The following TSHZ3 variants were observed in gnomAD, a reference collection of about 807,000 sequenced individuals.
TSHZ3 encodes the protein teashirt homolog 3.
A neutral mutation model predicts 64.5 loss-of-function variants in TSHZ3; 10 were observed. That is an observed-to-expected ratio of 0.16 (90% CI 0.10 to 0.26). TSHZ3 has a LOEUF of 0.26. Among genes scored for constraint, TSHZ3 ranks in the 10% least tolerant of loss-of-function variants. The pLI is 1.00. For missense variants in TSHZ3, 1,242 were observed against 1,421.7 expected, an observed-to-expected ratio of 0.87 and a Z score of 2.03; for synonymous variants, 608 against 593.1, an observed-to-expected ratio of 1.03 and a Z score of -0.36.
At chr19:31,202,666 G>T (rs925110060) in intron 5 of TSHZ3, among the ~76,000 whole-genome samples, 4 of 152,060 alleles carry the variant, frequency 2.6e-5, no homozygotes, top group East Asian at 1.9e-4. Context: ...TTTTCCAAGG[G>T]TAAACTCTTT....
intron 5 of TSHZ3, among the ~76,000 whole-genome samples, chr19:31,199,585 C>T (rs1975046277): frequency 1.3e-5 from 2 of 149,626 alleles, no homozygotes; most frequent in Admixed American, 1.3e-4. Context: ...TACATTCTTC[C>T]CCCAAATGAA....
intron 3 of TSHZ3, among the ~76,000 whole-genome samples, chr19:31,239,120 C>T (rs1428740721): frequency 6.6e-6 from 1 of 152,134 alleles, no homozygotes; most frequent in Admixed American, 6.5e-5. Flanking sequence ...ACATTTCACA[C>T]TTCCCTTCTG....
downstream of TSHZ3, among the ~76,000 whole-genome samples, chr19:31,273,664 C>G (rs368532195): frequency 1.3e-5 from 2 of 152,156 alleles, no homozygotes; most frequent in Admixed American, 6.5e-5. Flanking sequence ...TGTGAAGATG[C>G]GGAAGGCACG....
At chr19:31,252,840 G>A (rs985377067) in intron 1 of TSHZ3, among the ~76,000 whole-genome samples, 2 of 152,122 alleles carry the variant, frequency 1.3e-5, no homozygotes, top group African/African-American at 4.8e-5. Context: ...ACATTTACAG[G>A]TTCCAGGGAT....
chr19:31,184,023 C>T (rs746538773), intron 5 of TSHZ3, among the ~76,000 whole-genome samples: 5 of 152,032 alleles, frequency 3.3e-5, no homozygotes, highest in African/African-American at 4.8e-5. Context: ...TCTTTAATTA[C>T]GCCTTCAGAA....
intron 1 of TSHZ3, among the ~76,000 whole-genome samples, chr19:31,282,766 C>T (rs574635323): frequency 1.3e-5 from 2 of 152,256 alleles, no homozygotes; most frequent in African/African-American, 4.8e-5. Context: ...AACCTCTCAA[C>T]CTCCCTGGTG....
intron 1 of TSHZ3, among the ~76,000 whole-genome samples, chr19:31,335,623 G>A (rs531968235): frequency 7.2e-5 from 11 of 152,278 alleles, no homozygotes; most frequent in East Asian, 3.9e-4. Context: ...AGGAGATTCC[G>A]GCTCAAGAAC....
intron 1 of TSHZ3, among the ~76,000 whole-genome samples, chr19:31,280,181 C>G (rs1976337007): frequency 6.6e-6 from 1 of 152,082 alleles, no homozygotes; most frequent in South Asian, 2.1e-4. Flanking sequence ...TCTTAACAGA[C>G]AGATTCACAA....
Position 31,279,326 on chromosome 19 carries a change from C to A in TSHZ3, c.467G>T (p.Ser156Ile). Residue 156 changes from serine to isoleucine, a missense_variant, in exon 2 of 2, where the codon AGC becomes ATC. By Grantham distance (142) the Ser-to-Ile change is moderately radical. This residue lies in a region of TSHZ3 where 555 missense variants were observed against 704.0 expected (regional missense o/e 0.79). Coordinates refer to ENST00000240587, the MANE Select transcript of TSHZ3 (RefSeq NM_020856.4). This position sits in a 1 kb window ranked among gnomAD's most constrained non-coding sequence, Gnocchi z 6.4. Reference protein sequence around the residue: ...NNGSSSSSSSSSSSCGSGSFD... With the variant: ...NNGSSSSSSSISSSCGSGSFD... ...GCTCCCGCTGCCACAGCTGCTGCTGCTGCTACTGCTGCTGCTGCTGCTGCC... is the reference window on the plus strand; with the variant it reads ...GCTCCCGCTGCCACAGCTGCTGCTGATGCTACTGCTGCTGCTGCTGCTGCC... 6.2e-7 allele frequency: 1 copy of A among 1,613,620 alleles called. No homozygotes were observed. Among genetic ancestry groups the A allele is most frequent in the Admixed American group, 1.7e-5 (1 of 59,978 alleles).
At position 31,279,211 on chromosome 19, in the gene TSHZ3, C is replaced by T; in HGVS notation, c.582G>A (p.Val194=). 6.2e-7 allele frequency: 1 copy of T among 1,614,132 alleles called. No homozygotes were observed. The change falls in exon 2 of 2, where the codon GTG becomes GTA. Residue 194 remains valine (V), a synonymous_variant. Transcript: ENST00000240587. The surrounding 1 kb of genome is among the most constrained non-coding windows in gnomAD (Gnocchi z 6.4). ...GCTTGCTGCTCTGCCGGTACAGCTG[C>T]ACGGTGCTGAAGAGGCTGGGCTCCG... ...MLPEPSLFST[V]QLYRQSSKLY... is the part of the protein sequence containing the mutation.
At chr19:31,224,038 A>G (rs960242153) in intron 4 of TSHZ3, among the ~76,000 whole-genome samples, 1 of 152,232 alleles carries the variant, frequency 6.6e-6, no homozygotes, top group Non-Finnish European at 1.5e-5. Context: ...GTGATGAAAA[A>G]TGAAAGGCAT....
At chr19:31,240,079 T>C (rs1277389633) in intron 3 of TSHZ3, among the ~76,000 whole-genome samples, 1 of 152,194 alleles carries the variant, frequency 6.6e-6, no homozygotes, top group Non-Finnish European at 1.5e-5. Context: ...AATTTTTTTC[T>C]TGTTTTTCAT....
chr19:31,338,308 G>A (rs1917315292), intron 1 of TSHZ3, among the ~76,000 whole-genome samples: 2 of 152,316 alleles, frequency 1.3e-5, no homozygotes, highest in South Asian at 2.1e-4. Context: ...CGATTAACTG[G>A]CAGGGCTTGG....
Position 31,312,229 on chromosome 19 carries a change from CTA to C in TSHZ3, c.41-32479_41-32478del, listed in dbSNP as rs988825462. On this transcript the variant is annotated intron_variant, in intron 1 of 1. Coordinates refer to ENST00000240587, the MANE Select transcript of TSHZ3 (RefSeq NM_020856.4). ...CCATCTTCCCTCCCACGGCTGGAAA[CTA>C]TGAATCAGCAGATGCTGGCTTAGGT... Among the ~76,000 whole-genome samples, 17 of 152,356 alleles carry C rather than the reference CTA, an allele frequency of 1.1e-4. No individual in the cohort carries two copies. In the South Asian group the frequency reaches 3.3e-3, roughly 30 times the overall value.
intron 1 of TSHZ3, among the ~76,000 whole-genome samples, chr19:31,290,566 G>A (rs1976545893): frequency 6.6e-6 from 1 of 152,188 alleles, no homozygotes; most frequent in Admixed American, 6.5e-5. Context: ...TGACAATTCA[G>A]TGGGGAACAC....
rs1160334453 is a variant in TSHZ3 at position 31,340,338 on chromosome 19, C to CAAAAAAAAAAAAA, written c.40+8829_40+8841dup. ...ATTAATTAGCAACAGGCCTACAGTA[C>CAAAAAAAAAAAAA]AAAAAAAAAAAAAAAAAAAAAAAAA... On this transcript the variant is annotated intron_variant, in intron 1 of 1. Coordinates refer to ENST00000240587, the MANE Select transcript of TSHZ3 (RefSeq NM_020856.4). 1.6e-3 allele frequency among the ~76,000 whole-genome samples: 51 copies of CAAAAAAAAAAAAA among 32,754 alleles called. 8 individuals are homozygous for CAAAAAAAAAAAAA. The highest frequency in any genetic ancestry group is 1.9e-3 in the Non-Finnish European group (34 of 17,568). The allele number at this position is 32,754 out of a possible 152,430, so 21.5% of individuals were successfully genotyped here. A position where few individuals can be genotyped will look rare whatever the true frequency, so the allele number is the denominator to read the frequency against.
intron 1 of TSHZ3, among the ~76,000 whole-genome samples, chr19:31,334,567 G>C (rs1917187433): frequency 1.3e-5 from 2 of 152,238 alleles, no homozygotes; most frequent in South Asian, 4.1e-4. Flanking sequence ...AAAGCCAGCA[G>C]GGTGGGGGCT....
At chr19:31,152,521 G>A (rs1599549370) in intron 6 of TSHZ3, among the ~76,000 whole-genome samples, 1 of 152,100 alleles carries the variant, frequency 6.6e-6, no homozygotes. Flanking sequence ...CCTTTTCATG[G>A]CTTTGAGACA....
downstream of TSHZ3, among the ~76,000 whole-genome samples, chr19:31,273,479 GA>G (rs1976174903): frequency 6.6e-6 from 1 of 152,184 alleles, no homozygotes; most frequent in African/African-American, 2.4e-5. Flanking sequence ...AAACTGTCAA[GA>G]GCGGGGTTCC....
Sources: allele counts gnomAD v4.1 joint callset (sites outside exome capture counted in the v4.1 genomes callset), GRCh38; gene constraint gnomAD v4.1.1; regional missense constraint gnomAD v4.1.1; non-coding constraint Gnocchi (gnomAD v3.1); transcripts MANE v1.5; gene names NCBI Gene and HGNC (gene_info 2026-07-23, HGNC 2026-07-21).